The following CDH5 variants were observed in gnomAD, a reference collection of about 807,000 sequenced individuals.
CDH5 encodes cadherin 5, also known as cadherin-5.
A neutral mutation model predicts 62.0 loss-of-function variants in CDH5; 28 were observed. The ratio of observed to expected loss-of-function variants is 0.45; its 90% CI spans 0.33 to 0.62. CDH5 has a LOEUF of 0.62. CDH5 is among the 20% of genes least tolerant of loss of function. The pLI is 0.02. For synonymous variants in CDH5, 464 were observed against 445.8 expected, an observed-to-expected ratio of 1.04 and a Z score of -0.52; for missense variants, 940 against 1,065.1, an observed-to-expected ratio of 0.88 and a Z score of 1.63.
intron 1 of CDH5, among the ~76,000 whole-genome samples, chr16:66,370,876 G>A (rs559114406): frequency 1.1e-4 from 17 of 152,344 alleles, no homozygotes; most frequent in Admixed American, 1.0e-3. Context: ...GCTGGAAGGG[G>A]CAGGGAAGTG....
In CDH5 at chr16:66,396,092, G is replaced by A. The variant is rs373266019; in HGVS notation, c.1251G>A (p.Gln417=). 1.8e-5 allele frequency: 29 copies of A among 1,614,018 alleles called. No homozygotes were observed. The highest frequency in any genetic ancestry group is 2.3e-5 in the Non-Finnish European group (27 of 1,180,030). The part of the protein sequence containing the change: ...YSIRRTSDKG[Q]FFRVTKKGDI... ...TCCGCAGGACCAGTGACAAGGGCCA[G>A]TTCTTCCGAGTCACAAAAAAGGGGG... The change falls in exon 8 of 12, where the codon CAG becomes CAA. Residue 417 remains glutamine (Q), a synonymous_variant. Coordinates refer to ENST00000341529, the MANE Select transcript of CDH5 (RefSeq NM_001795.5).
At chr16:66,398,255 G>A (rs1289692821) in intron 9 of CDH5, 149 bp downstream of exon 9, 1 of 1,022,704 alleles carries the variant, frequency 9.8e-7, no homozygotes, top group African/African-American at 1.6e-5. Context: ...GAGAAACTGA[G>A]GCTCAGAGGG....
chr16:66,370,363 T>C (rs1382360578), intron 1 of CDH5, among the ~76,000 whole-genome samples: 3 of 152,120 alleles, frequency 2.0e-5, no homozygotes, highest in Admixed American at 6.5e-5. Flanking sequence ...CGGTGGTCTT[T>C]TGGGCAGTCC....
At position 66,396,166 on chromosome 16, in the gene CDH5, AC is replaced by A; in HGVS notation, c.1327del (p.Leu443Ter). ...GACAGAGAAGTCTACCCCTGGTATA[AC>A]CTGACTGTGGAGGCCAAAGAACTGG... ...ELDREVYPWYNLTVEAKELDS... is the reference protein window; with the variant it reads ...ELDREVYPWYXLTVEAKELDS... On this transcript the variant is annotated frameshift_variant, in exon 8 of 12. Transcript: ENST00000341529. LOFTEE classifies it high-confidence loss of function. 1 of 1,614,190 alleles carries A rather than the reference AC, an allele frequency of 6.2e-7. No homozygotes were observed. Among genetic ancestry groups the A allele is most frequent in the Non-Finnish European group, 8.5e-7 (1 of 1,180,016 alleles).
intron 2 of CDH5, among the ~76,000 whole-genome samples, chr16:66,382,422 A>G (rs1960913326): frequency 6.6e-6 from 1 of 152,150 alleles, no homozygotes; most frequent in Admixed American, 6.5e-5. Flanking sequence ...CCGCCCTAGG[A>G]AAACCAGCAT....
Position 66,396,068 on chromosome 16 carries a change from C to T in CDH5, c.1227C>T (p.Ile409=). ...DAARHSIGYS[I]RRTSDKGQFF... The stretch of plus-strand genomic sequence containing the variant: ...TCTCTCCCCTGGGCAGATACTCCAT[C>T]CGCAGGACCAGTGACAAGGGCCAGT... The change falls in exon 8 of 12, where the codon ATC becomes ATT. Residue 409 remains isoleucine, a synonymous_variant. Coordinates refer to ENST00000341529, the MANE Select transcript of CDH5 (RefSeq NM_001795.5). 2.5e-6 allele frequency: 4 copies of T among 1,613,782 alleles called. No homozygotes were observed. Among genetic ancestry groups the T allele is most frequent in the Non-Finnish European group, 2.5e-6 (3 of 1,180,000 alleles).
At chr16:66,388,633 G>A (rs1961028070) in intron 4 of CDH5, among the ~76,000 whole-genome samples, 193 bp downstream of exon 4, 1 of 152,174 alleles carries the variant, frequency 6.6e-6, no homozygotes, top group Non-Finnish European at 1.5e-5. Context: ...AAGCAGGCAG[G>A]TGCCCAAGAG....
chr16:66,387,571 A>G (rs1034413591), intron 3 of CDH5, among the ~76,000 whole-genome samples: 2 of 152,232 alleles, frequency 1.3e-5, no homozygotes, highest in African/African-American at 4.8e-5. Flanking sequence ...GACCCTAGTC[A>G]TAGACTGTGC....
chr16:66,378,363 C>T (rs982061464), intron 1 of CDH5, among the ~76,000 whole-genome samples: 2 of 152,184 alleles, frequency 1.3e-5, no homozygotes, highest in African/African-American at 4.8e-5. Context: ...TGGGTGATTT[C>T]AGGAATGTTC....
chr16:66,379,987 G>T, intron 2 of CDH5, among the ~76,000 whole-genome samples: 1 of 20,792 alleles, frequency 4.8e-5, no homozygotes, highest in East Asian at 1.3e-3. Context: ...TGGTGATCAC[G>T]GTGATGGTGG....
intron 2 of CDH5, among the ~76,000 whole-genome samples, chr16:66,382,156 G>A (rs902759203): frequency 1.3e-5 from 2 of 152,208 alleles, no homozygotes; most frequent in African/African-American, 4.8e-5. Flanking sequence ...CAGGGTTTAG[G>A]GCAGGGCCAA....
intron 3 of CDH5, among the ~76,000 whole-genome samples, chr16:66,387,352 G>A (rs1212862023): frequency 6.6e-6 from 1 of 152,176 alleles, no homozygotes; most frequent in African/African-American, 2.4e-5. Context: ...CCTGACTACA[G>A]TCATAAACTT....
intron 2 of CDH5, 117 bp downstream of exon 2, chr16:66,379,664 G>T (rs1288565565): frequency 9.3e-6 from 8 of 863,684 alleles, no homozygotes; most frequent in African/African-American, 1.7e-5. Context: ...GGTTGTAGGA[G>T]TGGAGATGAT....
chr16:66,379,666 GGAGA>G, intron 2 of CDH5, 119 bp downstream of exon 2: 1 of 853,070 alleles, frequency 1.2e-6, no homozygotes, highest in Non-Finnish European at 1.9e-6. Context: ...TTGTAGGAGT[GGAGA>G]TGATAAGGGT....
At chr16:66,378,213 A>G (rs552431452) in intron 1 of CDH5, among the ~76,000 whole-genome samples, 1 of 152,344 alleles carries the variant, frequency 6.6e-6, no homozygotes, top group African/African-American at 2.4e-5. Context: ...AGGGGCTTTC[A>G]GGCAGGAAGA....
At chr16:66,379,907 G>GC (rs1960860279) in intron 2 of CDH5, among the ~76,000 whole-genome samples, 2 of 147,822 alleles carry the variant, frequency 1.4e-5, no homozygotes, top group African/African-American at 5.0e-5. Flanking sequence ...GGTGATGGTG[G>GC]TGATGATAAA....
intron 1 of CDH5, among the ~76,000 whole-genome samples, chr16:66,369,478 T>C (rs796782327): frequency 1.3e-5 from 2 of 152,116 alleles, no homozygotes; most frequent in Admixed American, 6.5e-5. Context: ...ATAAGGAAGC[T>C]GAGGCTCAGC....
intron 8 of CDH5, among the ~76,000 whole-genome samples, chr16:66,396,828 T>C (rs1425292420): frequency 1.3e-5 from 2 of 152,156 alleles, no homozygotes; most frequent in African/African-American, 2.4e-5. Context: ...ACTCCCACTT[T>C]ACCCAGGAGC....
intron 1 of CDH5, among the ~76,000 whole-genome samples, chr16:66,378,887 TTC>T (rs1386216798): frequency 1.3e-5 from 2 of 152,090 alleles, no homozygotes; most frequent in Non-Finnish European, 2.9e-5. Flanking sequence ...GGGAGTTAGG[TTC>T]CCTATGGAAG....
Sources: gnomAD v4.1 joint callset for allele counts (sites outside exome capture counted in the v4.1 genomes callset) on GRCh38, gnomAD v4.1.1 for gene constraint, MANE v1.5 for transcripts, NCBI Gene and HGNC (gene_info 2026-07-23, HGNC 2026-07-21) for gene names.